FRMD4A: variants seen among roughly 807,000 people sequenced by gnomAD.
The protein encoded by FRMD4A is FERM domain-containing protein 4A.
Under a neutral mutation model 129.1 loss-of-function variants are expected in FRMD4A, and 29 were observed. The observed-to-expected ratio is 0.22, with a 90% CI of 0.17 to 0.31. FRMD4A has a LOEUF of 0.31. Among genes scored for constraint, FRMD4A ranks in the 10% least tolerant of loss-of-function variants. FRMD4A has a pLI of 1.00. For missense variants in FRMD4A, 1,272 were observed against 1,375.8 expected, an observed-to-expected ratio of 0.92 and a Z score of 1.19; for synonymous variants, 634 against 571.6, an observed-to-expected ratio of 1.11 and a Z score of -1.56.
At chr10:14,114,244 G>T (rs1432230088) in intron 2 of FRMD4A, among the ~76,000 whole-genome samples, 1 of 152,154 alleles carries the variant, frequency 6.6e-6, no homozygotes, top group African/African-American at 2.4e-5. Flanking sequence ...TCTCTTCTTT[G>T]TGAGTAAGCT....
chr10:14,036,507 T>C (rs1174782239), intron 2 of FRMD4A, among the ~76,000 whole-genome samples: 1 of 152,188 alleles, frequency 6.6e-6, no homozygotes, highest in Non-Finnish European at 1.5e-5. Context: ...CTTGTTTCAC[T>C]TCTTAACCCG....
intron 15 of FRMD4A, among the ~76,000 whole-genome samples, chr10:13,682,270 C>A (rs1423108197): frequency 6.6e-6 from 1 of 151,960 alleles, no homozygotes; most frequent in Non-Finnish European, 1.5e-5. Context: ...GAGTCTGCAC[C>A]CCAATTCAGA....
At chr10:14,143,542 G>A (rs770783600) in intron 2 of FRMD4A, among the ~76,000 whole-genome samples, 3 of 152,224 alleles carry the variant, frequency 2.0e-5, no homozygotes, top group Non-Finnish European at 4.4e-5. Context: ...GGTGATAGCA[G>A]CGCAACAATG....
intron 6 of FRMD4A, among the ~76,000 whole-genome samples, chr10:13,780,465 CT>C (rs2092706735): frequency 6.6e-6 from 1 of 152,112 alleles, no homozygotes; most frequent in South Asian, 2.1e-4. Context: ...ACACTACAAG[CT>C]TATGGAGCAA....
At chr10:14,083,635 G>A (rs967319098) in intron 2 of FRMD4A, 2 of 152,244 alleles carry the variant, frequency 1.3e-5, no homozygotes, top group South Asian at 4.1e-4. Flanking sequence ...TTTGACAGAG[G>A]ACTTGGACAG....
chr10:14,081,924 A>G (rs949346909), intron 2 of FRMD4A, among the ~76,000 whole-genome samples: 6 of 152,190 alleles, frequency 3.9e-5, no homozygotes, highest in African/African-American at 1.4e-4. Context: ...TTCACTCCAT[A>G]CTTCTTAAAG....
chr10:13,692,797 C>T (rs1185412027), intron 15 of FRMD4A: 1 of 152,166 alleles, frequency 6.6e-6, no homozygotes, highest in Non-Finnish European at 1.5e-5. Context: ...AGATTTCTTG[C>T]CTTCTTTGCG....
chr10:14,094,872 C>T (rs948627694), intron 2 of FRMD4A, among the ~76,000 whole-genome samples: 2 of 152,062 alleles, frequency 1.3e-5, no homozygotes, highest in African/African-American at 4.8e-5. Flanking sequence ...CATGTGTGGA[C>T]ATATGTGCAT....
chr10:13,696,911 C>G (rs1367174282), intron 14 of FRMD4A, among the ~76,000 whole-genome samples: 2 of 152,128 alleles, frequency 1.3e-5, no homozygotes, highest in Non-Finnish European at 2.9e-5. Flanking sequence ...ATGTAAAGGC[C>G]ATCGTAATAA....
intron 2 of FRMD4A, among the ~76,000 whole-genome samples, chr10:14,051,504 T>C (rs1834258338): frequency 6.6e-6 from 1 of 152,242 alleles, no homozygotes; most frequent in South Asian, 2.1e-4. Context: ...GCTTGTTCTC[T>C]GTACTCTGTC....
chr10:14,158,198 G>A (rs1246266483), intron 2 of FRMD4A, among the ~76,000 whole-genome samples: 1 of 152,174 alleles, frequency 6.6e-6, no homozygotes, highest in Non-Finnish European at 1.5e-5. Flanking sequence ...AAGAAAAATT[G>A]CATAATTAGA....
intron 2 of FRMD4A, among the ~76,000 whole-genome samples, chr10:14,062,554 A>G (rs1016156908): frequency 2.0e-5 from 3 of 152,248 alleles, no homozygotes; most frequent in African/African-American, 7.2e-5. Flanking sequence ...GTTGTAACCA[A>G]CGAGCTTCAA....
At chr10:14,297,417 A>G (rs1420190423) in intron 2 of FRMD4A, among the ~76,000 whole-genome samples, 1 of 152,198 alleles carries the variant, frequency 6.6e-6, no homozygotes, top group East Asian at 1.9e-4. Flanking sequence ...GTAAAGTCAG[A>G]CCATGAGAAC....
chr10:13,779,535 A>G (rs2130770327), intron 6 of FRMD4A, among the ~76,000 whole-genome samples: 1 of 152,264 alleles, frequency 6.6e-6, no homozygotes, highest in East Asian at 1.9e-4. Context: ...AGGACTTCAG[A>G]CGAGTCCCTG....
At chr10:14,255,305 T>C (rs1844569763) in intron 2 of FRMD4A, among the ~76,000 whole-genome samples, 1 of 152,212 alleles carries the variant, frequency 6.6e-6, no homozygotes. Context: ...TGCTGCCTTC[T>C]AACATAGCCA....
chr10:13,719,112 G>A (rs532740289), intron 12 of FRMD4A, among the ~76,000 whole-genome samples: 1 of 152,274 alleles, frequency 6.6e-6, no homozygotes, highest in South Asian at 2.1e-4. Context: ...CTGTCTGCTC[G>A]ACTCCATGCT....
chr10:14,062,862 AG>A (rs1416289919), intron 2 of FRMD4A, among the ~76,000 whole-genome samples: 7 of 152,346 alleles, frequency 4.6e-5, no homozygotes, highest in African/African-American at 1.7e-4. Context: ...CTCCAGTGAA[AG>A]GGGAAGATAC....
chr10:13,995,988 A>G (rs921043899), intron 2 of FRMD4A, among the ~76,000 whole-genome samples: 2 of 152,164 alleles, frequency 1.3e-5, no homozygotes, highest in African/African-American at 4.8e-5. Context: ...TGGGGAGCTT[A>G]CAAACAACAG....
At chr10:14,171,820 C>T (rs1841490897) in intron 2 of FRMD4A, among the ~76,000 whole-genome samples, 1 of 152,150 alleles carries the variant, frequency 6.6e-6, no homozygotes, top group Non-Finnish European at 1.5e-5. Flanking sequence ...CTTTGTCTGA[C>T]CTATCATCAT....
Sources: allele counts gnomAD v4.1 joint callset (sites outside exome capture counted in the v4.1 genomes callset), GRCh38; gene constraint gnomAD v4.1.1; transcripts MANE v1.5; gene names NCBI Gene and HGNC (gene_info 2026-07-23, HGNC 2026-07-21).